ANO2: variants seen among roughly 807,000 people sequenced by gnomAD.
ANO2 encodes anoctamin-2.
Under a neutral mutation model 124.2 loss-of-function variants are expected in ANO2, and 101 were observed. The ratio of observed to expected loss-of-function variants is 0.81; its 90% confidence interval spans 0.69 to 0.96. The LOEUF is 0.96. ANO2 is among the 40% of genes least tolerant of loss of function. ANO2 has a pLI of 0.00. For missense variants in ANO2, 1,293 were observed against 1,274.5 expected (o/e 1.01, Z -0.22); for synonymous variants, 486 against 482.5 (o/e 1.01, Z -0.09).
At chr12:5,896,503 A>G (rs1245173240) in intron 3 of ANO2, among the ~76,000 whole-genome samples, 1 of 152,152 alleles carries the variant, frequency 6.6e-6, no homozygotes, top group African/African-American at 2.4e-5. Context: ...CAGTGCCTTC[A>G]ATTTTCCCCT....
intron 7 of ANO2, among the ~76,000 whole-genome samples, chr12:5,823,983 C>T (rs1020163277): frequency 1.3e-5 from 2 of 152,224 alleles, no homozygotes; most frequent in African/African-American, 2.4e-5. Context: ...TGTATGTTGG[C>T]CCCTTTCAGC....
intron 10 of ANO2, among the ~76,000 whole-genome samples, chr12:5,751,869 A>G (rs1395879997): frequency 6.6e-6 from 1 of 151,798 alleles, no homozygotes; most frequent in Admixed American, 6.6e-5. Flanking sequence ...CTTTTGACCA[A>G]TATCTCCTCA....
intron 17 of ANO2, among the ~76,000 whole-genome samples, chr12:5,614,328 T>C (rs1190856027): frequency 6.6e-6 from 1 of 152,190 alleles, no homozygotes; most frequent in African/African-American, 2.4e-5. Context: ...TTTAGGCTAA[T>C]GAGATTACTC....
chr12:5,809,849 C>A (rs573413939), intron 7 of ANO2, among the ~76,000 whole-genome samples: 1 of 152,296 alleles, frequency 6.6e-6, no homozygotes, highest in African/African-American at 2.4e-5. Context: ...GCTGGAAACA[C>A]AGAAGAGATG....
chr12:5,807,184 G>T, intron 8 of ANO2, 129 bp downstream of exon 8: 1 of 728,764 alleles, frequency 1.4e-6, no homozygotes, highest in Non-Finnish European at 2.1e-6. Flanking sequence ...GGTCAGTCAA[G>T]GTATTTTAAT....
chr12:5,819,919 A>C (rs1386675862), intron 7 of ANO2, among the ~76,000 whole-genome samples: 2 of 152,140 alleles, frequency 1.3e-5, no homozygotes, highest in South Asian at 2.1e-4. Context: ...GCAAAGCAGC[A>C]ATCAGAATAA....
chr12:5,843,663 G>C (rs114024710), intron 4 of ANO2, among the ~76,000 whole-genome samples: 1 of 132,158 alleles, frequency 7.6e-6, no homozygotes, highest in Non-Finnish European at 1.6e-5. Context: ...ATAAAGGAAG[G>C]AGTTGGTCAG....
At chr12:5,927,318 G>T (rs976758573) in intron 1 of ANO2, among the ~76,000 whole-genome samples, 2 of 152,168 alleles carry the variant, frequency 1.3e-5, no homozygotes, top group Non-Finnish European at 2.9e-5. Flanking sequence ...CTTCTCATTG[G>T]AGCCAACCTC....
chr12:5,871,500 G>A (rs989498757), intron 3 of ANO2, among the ~76,000 whole-genome samples: 2 of 152,120 alleles, frequency 1.3e-5, no homozygotes, highest in African/African-American at 4.8e-5. Context: ...TAAATGGCAG[G>A]GAAGCAAGCA....
At position 5,565,626 on chromosome 12, in the gene ANO2, G is replaced by A; in HGVS notation, c.2659C>T (p.Pro887Ser). The change falls in exon 24 of 25, where the codon CCT becomes TCT. Residue 887 changes from proline to serine, a missense_variant. Physicochemically the swap from Pro to Ser is moderately conservative, Grantham distance 74. Coordinates refer to ENST00000682330, the MANE Select transcript of ANO2 (RefSeq NM_001364791.2). ...CAGTACTGTTTCGAAAACTCATAAG[G>A]GTTCGGGGCCCATGGCGGCTCTCGG... The part of the protein sequence containing the change: ...DYREPPWAPN[P>S]YEFSKQYWFI... The A allele has an allele frequency of 6.2e-7, 1 of 1,605,312 alleles. No homozygotes were observed. The highest frequency in any genetic ancestry group is 8.5e-7 in the Non-Finnish European group (1 of 1,175,786).
At chr12:5,702,779 G>T (rs892874086) in intron 14 of ANO2, among the ~76,000 whole-genome samples, 1 of 152,132 alleles carries the variant, frequency 6.6e-6, no homozygotes, top group African/African-American at 2.4e-5. Flanking sequence ...GAAGAGAAAA[G>T]ATCAGTATAT....
intron 14 of ANO2, among the ~76,000 whole-genome samples, chr12:5,715,139 G>T (rs1042865652): frequency 6.6e-6 from 1 of 151,982 alleles, no homozygotes; most frequent in African/African-American, 2.4e-5. Flanking sequence ...CAAACAATAA[G>T]AAAAATGTTC....
At chr12:5,893,707 T>C (rs1939573232) in intron 3 of ANO2, among the ~76,000 whole-genome samples, 1 of 151,978 alleles carries the variant, frequency 6.6e-6, no homozygotes, top group Admixed American at 6.6e-5. Context: ...ATTCTCATTG[T>C]TCAACTCCCA....
chr12:5,795,620 G>C (rs1353526681), intron 10 of ANO2, among the ~76,000 whole-genome samples: 1 of 152,166 alleles, frequency 6.6e-6, no homozygotes, highest in Non-Finnish European at 1.5e-5. Context: ...TAAACTTTTT[G>C]TACATTAGTT....
At chr12:5,847,344 G>A (rs933238995) in intron 4 of ANO2, among the ~76,000 whole-genome samples, 1 of 152,086 alleles carries the variant, frequency 6.6e-6, no homozygotes, top group Non-Finnish European at 1.5e-5. Flanking sequence ...GACATAGACT[G>A]GAACTACACC....
intron 3 of ANO2, among the ~76,000 whole-genome samples, chr12:5,869,704 G>A (rs955259609): frequency 1.3e-5 from 2 of 152,162 alleles, no homozygotes; most frequent in Non-Finnish European, 2.9e-5. Context: ...AAGTAGAGGG[G>A]AAATGATGAG....
chr12:5,621,528 G>T (rs748978358), intron 16 of ANO2, among the ~76,000 whole-genome samples: 1 of 152,200 alleles, frequency 6.6e-6, no homozygotes, highest in Non-Finnish European at 1.5e-5. Flanking sequence ...GGGCCAGTGC[G>T]ATGGGAGGGG....
In ANO2 at chr12:5,806,115, G is replaced by A. The variant is rs1232261999; in HGVS notation, c.949-22C>T. ...CACCCTGTGGAGAAAAAGTGATGCT[G>A]GATAAAGCCAATGAAATTACCAGAA... On this transcript the variant is annotated intron_variant, in intron 8 of 24. Coordinates refer to ENST00000682330, the MANE Select transcript of ANO2 (RefSeq NM_001364791.2). The A allele has an allele frequency of 3.1e-6, 5 of 1,608,132 alleles. No individual in the cohort carries two copies. In the Admixed American group the frequency reaches 5.1e-5, roughly 16 times the overall value.
At chr12:5,589,142 C>T (rs926638784) in intron 20 of ANO2, among the ~76,000 whole-genome samples, 11 of 152,204 alleles carry the variant, frequency 7.2e-5, no homozygotes, top group African/African-American at 2.4e-4. Flanking sequence ...ACTATTGCCC[C>T]CAATGAAGTT....
Sources: gnomAD v4.1 joint callset for allele counts (sites outside exome capture counted in the v4.1 genomes callset) on GRCh38, gnomAD v4.1.1 for gene constraint, MANE v1.5 for transcripts, NCBI Gene and HGNC (gene_info 2026-07-23, HGNC 2026-07-21) for gene names.